Variants in ANKRD26 observed in about 807,000 individuals in gnomAD.
ANKRD26 encodes the protein ankyrin repeat domain-containing protein 26.
Under a neutral mutation model 208.7 loss-of-function variants are expected in ANKRD26, and 141 were observed. The observed-to-expected ratio is 0.68, with a 90% CI of 0.59 to 0.78. The LOEUF is 0.78. Among genes scored for constraint, ANKRD26 ranks in the 30% least tolerant of loss-of-function variants. ANKRD26 has a pLI of 0.00. For missense variants in ANKRD26, 1,889 were observed against 1,938.7 expected (o/e 0.97, Z 0.48); for synonymous variants, 636 against 660.4 (o/e 0.96, Z 0.57).
chr10:26,992,309 A>G (rs561838320), intron 5 of ANKRD26, among the ~76,000 whole-genome samples: 4 of 152,052 alleles, frequency 2.6e-5, no homozygotes, highest in Admixed American at 6.6e-5. Flanking sequence ...TTAGAGGTAA[A>G]TAAGTCTCTG....
At chr10:27,068,401 T>C (rs375465269) in intron 9 of ANKRD26, among the ~76,000 whole-genome samples, 1 of 152,220 alleles carries the variant, frequency 6.6e-6, no homozygotes, top group South Asian at 2.1e-4. Context: ...CAATTAAACC[T>C]CTTTCTGTTA....
At chr10:27,011,497 G>A (rs2053109506) in intron 32 of ANKRD26, among the ~76,000 whole-genome samples, 1 of 148,384 alleles carries the variant, frequency 6.7e-6, no homozygotes. Flanking sequence ...ACTGGATCAA[G>A]CATAGTTGAT....
At chr10:27,028,375 T>C (rs570895157) in intron 27 of ANKRD26, among the ~76,000 whole-genome samples, 16 of 152,000 alleles carry the variant, frequency 1.1e-4, no homozygotes, top group African/African-American at 3.9e-4. Flanking sequence ...GGCGGGCGGA[T>C]CATGAGGTCA....
chr10:27,081,810 T>C (rs1418877228), intron 6 of ANKRD26, among the ~76,000 whole-genome samples: 1 of 151,932 alleles, frequency 6.6e-6, no homozygotes, highest in Non-Finnish European at 1.5e-5. Context: ...CAATCTCGGC[T>C]CACTGCAACC....
chr10:26,948,993 C>A, the ANKRD26 span, among the ~76,000 whole-genome samples: 1 of 151,614 alleles, frequency 6.6e-6, no homozygotes, highest in African/African-American at 2.4e-5. Flanking sequence ...GAAACGCCAT[C>A]TAAAAAAAAT....
At chr10:27,001,594 A>G (rs536474444), downstream of ANKRD26, among the ~76,000 whole-genome samples, 80 of 152,316 alleles carry the variant, frequency 5.3e-4, no homozygotes, top group African/African-American at 1.8e-3. Flanking sequence ...TGCCATTTGC[A>G]TAGTGCAGAA....
At chr10:27,026,268 G>T (rs982175763) in intron 27 of ANKRD26, among the ~76,000 whole-genome samples, 12 of 152,128 alleles carry the variant, frequency 7.9e-5, no homozygotes, top group Non-Finnish European at 4.4e-5. Flanking sequence ...ATTTCTATGG[G>T]AATCTACAGA....
Position 27,067,027 on chromosome 10 carries a change from G to A in ANKRD26, c.1207+130C>T, listed in dbSNP as rs546822588. 126 of 994,280 alleles carry A rather than the reference G, an allele frequency of 1.3e-4. No homozygotes were observed. The African/African-American group carries it at 1.5e-3, about 12-fold the overall frequency. 61.6% of individuals were successfully genotyped at this position (994,280 alleles called of 1,614,324 possible). A position where few individuals can be genotyped will look rare whatever the true frequency, so the allele number is the denominator to read the frequency against. On this transcript the variant is annotated intron_variant, in intron 10 of 33. Coordinates refer to ENST00000376087, the MANE Select transcript of ANKRD26 (RefSeq NM_014915.3). ...TCATCATGTTGGCTAGGCTGGTCTC[G>A]AACTCCTGACCTCAGGTGATCCACC...
Position 27,006,979 on chromosome 10 carries a change from GT to G in ANKRD26, c.4954-18del. On this transcript the variant is annotated intron_variant, in intron 32 of 33. Transcript: ENST00000376087. Reference sequence around the variant, plus strand: ...CTGCTGCATCTGAAAAAAGTCAAATGTTATTTATAATGTTTAAGTTAGACAA... The same window carrying G: ...CTGCTGCATCTGAAAAAAGTCAAATGTATTTATAATGTTTAAGTTAGACAA... The G allele has an allele frequency of 6.3e-7, 1 of 1,578,974 alleles. No homozygotes were observed.
chr10:27,096,855 TC>T (rs2056483663), intron 1 of ANKRD26, among the ~76,000 whole-genome samples: 1 of 152,004 alleles, frequency 6.6e-6, no homozygotes, highest in Non-Finnish European at 1.5e-5. Flanking sequence ...AAGTCTATAT[TC>T]TACCACATTT....
the ANKRD26 span, among the ~76,000 whole-genome samples, chr10:26,950,038 G>C: frequency 6.6e-6 from 1 of 152,018 alleles, no homozygotes; most frequent in Non-Finnish European, 1.5e-5. Context: ...ATTATTTATT[G>C]AACCTGTGAT....
At chr10:27,063,416 G>C (rs1447499780) in intron 12 of ANKRD26, among the ~76,000 whole-genome samples, 4 of 152,086 alleles carry the variant, frequency 2.6e-5, no homozygotes, top group Middle Eastern at 3.4e-3. Flanking sequence ...CACCTCCCAG[G>C]TTCAAACAAA....
At chr10:26,987,950 A>G (rs2052418245), downstream of ANKRD26, among the ~76,000 whole-genome samples, 2 of 152,166 alleles carry the variant, frequency 1.3e-5, no homozygotes, top group South Asian at 4.1e-4. Context: ...TCTGGTGATC[A>G]CTAGGTTTCT....
chr10:27,084,296 A>T (rs1001223681), intron 5 of ANKRD26, among the ~76,000 whole-genome samples: 2 of 152,162 alleles, frequency 1.3e-5, no homozygotes, highest in Non-Finnish European at 2.9e-5. Context: ...TATCTAAAAG[A>T]TACTTGACAG....
At chr10:27,001,353 T>G (rs943704762), downstream of ANKRD26, among the ~76,000 whole-genome samples, 2 of 152,082 alleles carry the variant, frequency 1.3e-5, no homozygotes, top group African/African-American at 4.8e-5. Flanking sequence ...AAATCAAGGA[T>G]GCGGACACAC....
intron 29 of ANKRD26, among the ~76,000 whole-genome samples, chr10:27,019,265 AAAG>A (rs931691701): frequency 4.6e-5 from 7 of 152,090 alleles, no homozygotes; most frequent in Admixed American, 2.0e-4. Flanking sequence ...GGGTTAAAAA[AAAG>A]AAATTAATAA....
chr10:27,036,107 C>G (rs2054034980), intron 23 of ANKRD26, among the ~76,000 whole-genome samples: 1 of 152,022 alleles, frequency 6.6e-6, no homozygotes, highest in Non-Finnish European at 1.5e-5. Context: ...TGATATCTAA[C>G]CCATACACCA....
rs1113429 is a variant in ANKRD26, at chr10:26,981,808, T to C, written c.*17+885A>G. On this transcript the variant is annotated intron_variant and NMD_transcript_variant, in intron 4 of 5. Transcript: ENST00000674670. ...AATGGGTTCTGCTTGTGGACCTAGC[T>C]TTCCAGGGCAATTACTCCCTGAACT... 2.0e-3 allele frequency among the ~76,000 whole-genome samples: 307 copies of C among 152,242 alleles called. 4 individuals carry two copies. The East Asian group carries it at 0.038, about 19-fold the overall frequency.
chr10:27,087,485 T>C (rs545135655), intron 4 of ANKRD26, among the ~76,000 whole-genome samples: 1 of 152,356 alleles, frequency 6.6e-6, no homozygotes, highest in South Asian at 2.1e-4. Context: ...TCAGAAAATG[T>C]TACTAAGTCC....
Sources: gnomAD v4.1 joint callset for allele counts (sites outside exome capture counted in the v4.1 genomes callset) on GRCh38, gnomAD v4.1.1 for gene constraint, MANE v1.5 for transcripts, NCBI Gene and HGNC (gene_info 2026-07-23, HGNC 2026-07-21) for gene names.